Variants in ATXN7L1 observed in about 807,000 individuals in gnomAD.
ATXN7L1 encodes ataxin-7-like protein 1.
A neutral mutation model predicts 70.8 loss-of-function variants in ATXN7L1; 15 were observed. The ratio of observed to expected loss-of-function variants is 0.21; its 90% confidence interval spans 0.14 to 0.33. ATXN7L1 has a LOEUF of 0.33. ATXN7L1 is among the 10% of genes least tolerant of loss of function. ATXN7L1 has a pLI of 1.00. For synonymous variants in ATXN7L1, 440 were observed against 445.1 expected (o/e 0.99, Z 0.14); for missense variants, 975 against 1,097.1 (o/e 0.89, Z 1.57).
At chr7:105,667,594 G>C (rs1802841842) in intron 3 of ATXN7L1, among the ~76,000 whole-genome samples, 1 of 133,404 alleles carries the variant, frequency 7.5e-6, no homozygotes, top group Non-Finnish European at 1.6e-5. Flanking sequence ...AGCTACTTGG[G>C]AGGCTGAGGC....
At chr7:105,770,396 G>T (rs981899012) in intron 3 of ATXN7L1, among the ~76,000 whole-genome samples, 5 of 152,220 alleles carry the variant, frequency 3.3e-5, no homozygotes, top group Admixed American at 6.5e-5. Flanking sequence ...TAAGAGGAGA[G>T]AATCTTTTTC....
intron 2 of ATXN7L1, among the ~76,000 whole-genome samples, chr7:105,803,895 G>C (rs956362861): frequency 4.6e-5 from 7 of 152,170 alleles, no homozygotes. Flanking sequence ...GATCAGAGAT[G>C]GGACTATAAT....
chr7:105,805,346 G>C (rs1807412119), intron 2 of ATXN7L1, among the ~76,000 whole-genome samples: 1 of 152,160 alleles, frequency 6.6e-6, no homozygotes, highest in Non-Finnish European at 1.5e-5. Flanking sequence ...TCCAGGACTT[G>C]GTAAGTTGGA....
intron 4 of ATXN7L1, among the ~76,000 whole-genome samples, chr7:105,651,327 T>TAGTG (rs952124972): frequency 5.3e-5 from 8 of 152,232 alleles, no homozygotes; most frequent in Non-Finnish European, 7.3e-5. Flanking sequence ...GTGCTTAGCA[T>TAGTG]AGTGCCAGGC....
intron 3 of ATXN7L1, among the ~76,000 whole-genome samples, chr7:105,733,693 T>A (rs1421428386): frequency 4.7e-5 from 6 of 126,902 alleles, no homozygotes; most frequent in Admixed American, 8.0e-5. Context: ...CATCCACCCA[T>A]CCATCCATTC....
chr7:105,614,597 G>A lies in ATXN7L1; in HGVS notation c.1737C>T (p.Ser579=). Residue 579 remains serine (S), a synonymous_variant, in exon 10 of 12, where the codon TCC becomes TCT. Transcript: ENST00000419735. This position sits in a 1 kb window ranked among gnomAD's most constrained non-coding sequence, Gnocchi z 4.3. ...VTSPDPSALM[S]HTTAFPHVAA... ...CCACATGAGGGAAAGCTGTGGTGTG[G>A]GACATGAGGGCGCTCGGGTCCGGCG... 1 of 1,551,878 alleles carries A rather than the reference G, an allele frequency of 6.4e-7. No homozygotes were observed. The highest frequency in any genetic ancestry group is 1.2e-5 in the South Asian group (1 of 84,024).
At chr7:105,623,313 C>T (rs1352965604) in intron 8 of ATXN7L1, among the ~76,000 whole-genome samples, 1 of 152,180 alleles carries the variant, frequency 6.6e-6, no homozygotes, top group Non-Finnish European at 1.5e-5. Flanking sequence ...CATGGGGTCC[C>T]ATGTTCTAGG....
intron 4 of ATXN7L1, among the ~76,000 whole-genome samples, chr7:105,654,907 A>ATT (rs201109400): frequency 3.5e-5 from 5 of 140,932 alleles, no homozygotes; most frequent in Admixed American, 7.1e-5. Context: ...CGCCTGGCTA[A>ATT]TTTTTTTTTT....
chr7:105,633,681 C>T (rs1189606149), intron 7 of ATXN7L1, among the ~76,000 whole-genome samples: 4 of 152,216 alleles, frequency 2.6e-5, no homozygotes, highest in Non-Finnish European at 5.9e-5. Flanking sequence ...GATCAAGACA[C>T]TGCTCTCCAG....
chr7:105,863,755 C>T (rs212423), intron 2 of ATXN7L1, among the ~76,000 whole-genome samples: 57,903 of 152,028 alleles, frequency 0.38, 11,718 homozygotes, highest in Non-Finnish European at 0.45. Context: ...CAGGATTTGC[C>T]TCACAGGGTG....
At chr7:105,809,714 G>A (rs1195672363) in intron 2 of ATXN7L1, among the ~76,000 whole-genome samples, 1 of 151,658 alleles carries the variant, frequency 6.6e-6, no homozygotes, top group Admixed American at 6.6e-5. Flanking sequence ...GGAAACTGAG[G>A]CAAAGGGAGG....
chr7:105,686,172 G>A (rs1341620088), intron 3 of ATXN7L1, among the ~76,000 whole-genome samples: 6 of 152,108 alleles, frequency 3.9e-5, no homozygotes, highest in African/African-American at 1.4e-4. Flanking sequence ...ACTTACAATG[G>A]GATTATATCT....
chr7:105,844,265 A>T (rs948429548), intron 2 of ATXN7L1, among the ~76,000 whole-genome samples: 1 of 152,160 alleles, frequency 6.6e-6, no homozygotes, highest in Non-Finnish European at 1.5e-5. Flanking sequence ...GGCTAGTATC[A>T]CCTTACCAGA....
At chr7:105,645,603 T>C (rs546796805) in intron 4 of ATXN7L1, among the ~76,000 whole-genome samples, 1 of 143,536 alleles carries the variant, frequency 7.0e-6, no homozygotes, top group Non-Finnish European at 1.5e-5. Flanking sequence ...AAGACCATCC[T>C]GGCTAACATG....
At chr7:105,760,138 A>C (rs1775148857) in intron 3 of ATXN7L1, 5 of 934,400 alleles carry the variant, frequency 5.4e-6, no homozygotes, top group Non-Finnish European at 6.4e-6. Flanking sequence ...TCCTCTTGTC[A>C]CTCATACTGG....
intron 3 of ATXN7L1, among the ~76,000 whole-genome samples, chr7:105,770,537 C>T (rs1041908642): frequency 2.0e-5 from 3 of 152,124 alleles, no homozygotes; most frequent in Non-Finnish European, 4.4e-5. Context: ...CTAAATGACA[C>T]AGTGACAGGC....
intron 3 of ATXN7L1, among the ~76,000 whole-genome samples, chr7:105,774,008 C>T (rs1024933708): frequency 2.0e-5 from 3 of 152,096 alleles, no homozygotes; most frequent in African/African-American, 7.2e-5. Flanking sequence ...TGGGGTACAC[C>T]CTCTTCCTCT....
intron 4 of ATXN7L1, among the ~76,000 whole-genome samples, chr7:105,662,069 T>C (rs1801756704): frequency 1.1e-5 from 1 of 93,586 alleles, no homozygotes; most frequent in Non-Finnish European, 2.4e-5. Context: ...CTTCCTTCCT[T>C]CCTTCCTTCC....
chr7:105,854,470 T>TAA (rs1815395260), intron 2 of ATXN7L1, among the ~76,000 whole-genome samples: 1 of 25,708 alleles, frequency 3.9e-5, no homozygotes, highest in African/African-American at 1.5e-4. Context: ...AAATTAGCTC[T>TAA]GAAAAAAAAA....
Sources: allele counts gnomAD v4.1 joint callset (sites outside exome capture counted in the v4.1 genomes callset), GRCh38; gene constraint gnomAD v4.1.1; non-coding constraint Gnocchi (gnomAD v3.1); transcripts MANE v1.5; gene names NCBI Gene and HGNC (gene_info 2026-07-23, HGNC 2026-07-21).